EIF5B: variants seen among roughly 807,000 people sequenced by gnomAD.
EIF5B encodes eukaryotic translation initiation factor 5B.
A neutral mutation model predicts 147.5 loss-of-function variants in EIF5B; 47 were observed. The ratio of observed to expected loss-of-function variants is 0.32; its 90% CI spans 0.25 to 0.41. The LOEUF (loss-of-function observed/expected upper bound fraction) is 0.41. Ranked by LOEUF, EIF5B falls within the 10% of genes least tolerant of loss-of-function variation. EIF5B has a pLI of 1.00. For synonymous variants in EIF5B, 455 were observed against 456.2 expected, an observed-to-expected ratio of 1.00 and a Z score of 0.03; for missense variants, 1,064 against 1,413.2, an observed-to-expected ratio of 0.75 and a Z score of 3.96.
At position 99,382,145 on chromosome 2, in the gene EIF5B, C is replaced by A; in HGVS notation, c.2062-14C>A. On this transcript the variant is annotated splice_polypyrimidine_tract_variant and intron_variant, in intron 12 of 23. Coordinates refer to ENST00000289371, the MANE Select transcript of EIF5B (RefSeq NM_015904.4). ...GACTTTCTTAAACTTTGAACTTTTCCCCATTGTTTCTAGTTTGATAGAGAG... is the reference window on the plus strand; with the variant it reads ...GACTTTCTTAAACTTTGAACTTTTCACCATTGTTTCTAGTTTGATAGAGAG... 1 of 1,608,218 alleles carries A rather than the reference C, an allele frequency of 6.2e-7. No homozygotes were observed.
At chr2:99,351,327 T>C (rs1296903704) in intron 1 of EIF5B, among the ~76,000 whole-genome samples, 2 of 152,274 alleles carry the variant, frequency 1.3e-5, no homozygotes, top group East Asian at 3.8e-4. Context: ...ATTGCCTGGA[T>C]ATATGACAAT....
At chr2:99,383,707 G>C (rs1301183150) in intron 14 of EIF5B, among the ~76,000 whole-genome samples, 2 of 152,212 alleles carry the variant, frequency 1.3e-5, no homozygotes, top group African/African-American at 4.8e-5. Context: ...AAGTTATCCA[G>C]AAACTCTAGC....
chr2:99,390,681 T>A lies in EIF5B; in HGVS notation c.2724T>A (p.Pro908=). The A allele has an allele frequency of 8.7e-6, 14 of 1,605,122 alleles. No homozygotes were observed. Among genetic ancestry groups the A allele is most frequent in the Non-Finnish European group, 1.2e-5 (14 of 1,172,516 alleles). ...VTQIRGLLLP[P]PMKELRVKNQ... is the part of the protein sequence containing the mutation. The stretch of plus-strand genomic sequence containing the variant: ...AGATTCGAGGCCTCCTGTTACCTCC[T>A]CCTATGAAGGAATTACGAGTGAAGG... Residue 908 remains proline (P), a synonymous_variant, in exon 17 of 24, where the codon CCT becomes CCA. Coordinates refer to ENST00000289371, the MANE Select transcript of EIF5B (RefSeq NM_015904.4).
rs545808199 is a variant in EIF5B at position 99,362,594 on chromosome 2, G to A, written c.919+774G>A. 2.0e-3 allele frequency among the ~76,000 whole-genome samples: 310 copies of A among 152,108 alleles called. 1 individual carries two copies. Among genetic ancestry groups the A allele is most frequent in the Non-Finnish European group, 3.5e-3 (237 of 67,972 alleles). ...GGCGCCTGTAGTCCCAGCTACTCGG[G>A]AGGCTGAGGCAGGAGAATGGCGTGA... On this transcript the variant is annotated intron_variant, in intron 4 of 23. Transcript: ENST00000289371.
chr2:99,361,563 C>A lies in EIF5B; in HGVS notation c.662C>A (p.Ala221Asp), dbSNP rs1674215392. 6.2e-7 allele frequency: 1 copy of A among 1,612,318 alleles called. No individual in the cohort carries two copies. The highest frequency in any genetic ancestry group is 8.5e-7 in the Non-Finnish European group (1 of 1,179,650). ...GAAAGTGGGAATGAAGATGATGACG[C>A]CTCCTTCAAAATTAAGACAGTGGCC... Reference protein sequence around the residue: ...NIESGNEDDDASFKIKTVAQK... With the variant: ...NIESGNEDDDDSFKIKTVAQK... The change falls in exon 4 of 24, where the codon GCC becomes GAC. Residue 221 changes from alanine to aspartate, a missense_variant. This residue lies in a region of EIF5B where 458 missense variants were observed against 451.3 expected (regional missense o/e 1.01). Transcript: ENST00000289371.
chr2:99,356,069 G>A (rs575463000), intron 1 of EIF5B, among the ~76,000 whole-genome samples: 20 of 152,236 alleles, frequency 1.3e-4, no homozygotes, highest in African/African-American at 4.1e-4. Context: ...ATTATTAAGC[G>A]AAGTGCATAC....
At chr2:99,362,947 T>A (rs1335305791) in intron 4 of EIF5B, among the ~76,000 whole-genome samples, 1 of 151,740 alleles carries the variant, frequency 6.6e-6, no homozygotes, top group Non-Finnish European at 1.5e-5. Context: ...TTAGTAGAGA[T>A]GGGGTTTCGT....
intron 1 of EIF5B, among the ~76,000 whole-genome samples, chr2:99,353,610 A>G (rs989594325): frequency 1.3e-5 from 2 of 152,226 alleles, no homozygotes; most frequent in African/African-American, 2.4e-5. Flanking sequence ...TACACAGTCA[A>G]GATGCAGAAT....
chr2:99,365,522 A>T (rs1674307481), intron 6 of EIF5B, among the ~76,000 whole-genome samples: 1 of 152,356 alleles, frequency 6.6e-6, no homozygotes, highest in Non-Finnish European at 1.5e-5. Flanking sequence ...GCATTCATAC[A>T]TCAGATTTCA....
At chr2:99,387,544 T>C (rs970935370) in intron 14 of EIF5B, among the ~76,000 whole-genome samples, 1 of 152,198 alleles carries the variant, frequency 6.6e-6, no homozygotes, top group Admixed American at 6.5e-5. Flanking sequence ...TACTACCCTG[T>C]CTCATTATAG....
At chr2:99,374,525 A>G (rs1674524993) in intron 9 of EIF5B, among the ~76,000 whole-genome samples, 1 of 152,086 alleles carries the variant, frequency 6.6e-6, no homozygotes, top group Non-Finnish European at 1.5e-5. Context: ...TTAGTAAGAC[A>G]TTCTGTTTTG....
chr2:99,358,819 T>G (rs1043364990), intron 1 of EIF5B, among the ~76,000 whole-genome samples: 1 of 152,190 alleles, frequency 6.6e-6, no homozygotes, highest in Non-Finnish European at 1.5e-5. Context: ...TCACCACCAC[T>G]GCAGCAGATC....
chr2:99,397,636 CCTGT>C (rs1675082336), intron 22 of EIF5B: 1 of 152,280 alleles, frequency 6.6e-6, no homozygotes, highest in Non-Finnish European at 1.5e-5. Context: ...CATGACCCAG[CCTGT>C]CTGACTGCTG....
At chr2:99,379,568 A>G (rs1015453997) in intron 12 of EIF5B, 140 bp downstream of exon 12, 46 of 616,734 alleles carry the variant, frequency 7.5e-5, no homozygotes, top group Non-Finnish European at 1.1e-4. Flanking sequence ...TATTTTGCCT[A>G]TTTTGCTTTA....
chr2:99,385,052 C>CTT (rs970465394), intron 14 of EIF5B, among the ~76,000 whole-genome samples: 1 of 147,208 alleles, frequency 6.8e-6, no homozygotes. Flanking sequence ...AGATAAATTT[C>CTT]TTTTTTTTTT....
chr2:99,377,540 G>A (rs370401754), intron 10 of EIF5B, among the ~76,000 whole-genome samples: 49 of 150,834 alleles, frequency 3.2e-4, no homozygotes, highest in African/African-American at 8.8e-4. Flanking sequence ...GTCTTTTCCC[G>A]TAGCACCTAC....
intron 1 of EIF5B, chr2:99,340,556 C>A (rs908666021): frequency 6.6e-6 from 1 of 152,198 alleles, no homozygotes; most frequent in Non-Finnish European, 1.5e-5. Context: ...ACAGAACATA[C>A]AATACTCACT....
chr2:99,397,006 G>C (rs1675065570), intron 22 of EIF5B, 108 bp downstream of exon 22: 2 of 1,237,702 alleles, frequency 1.6e-6, no homozygotes, highest in African/African-American at 3.1e-5. Flanking sequence ...ACTGTGCTGT[G>C]TATTTAGTGT....
At chr2:99,386,086 A>G (rs1674801464) in intron 14 of EIF5B, among the ~76,000 whole-genome samples, 1 of 152,346 alleles carries the variant, frequency 6.6e-6, no homozygotes, top group Non-Finnish European at 1.5e-5. Context: ...ATAGTAGTCC[A>G]TTATCTGAAT....
Sources: gnomAD v4.1 joint callset for allele counts (sites outside exome capture counted in the v4.1 genomes callset) on GRCh38, gnomAD v4.1.1 for gene constraint, gnomAD v4.1.1 regional missense constraint, MANE v1.5 for transcripts, NCBI Gene and HGNC (gene_info 2026-07-23, HGNC 2026-07-21) for gene names.